The following PTPRG variants were observed in gnomAD, a reference collection of about 807,000 sequenced individuals.
The protein encoded by PTPRG is receptor-type tyrosine-protein phosphatase gamma.
A neutral mutation model predicts 165.3 loss-of-function variants in PTPRG; 102 were observed. The ratio of observed to expected loss-of-function variants is 0.62; its 90% CI spans 0.53 to 0.73. PTPRG has a LOEUF of 0.73. Ranked by LOEUF, PTPRG falls within the 30% of genes least tolerant of loss-of-function variation. The pLI, the probability that PTPRG is intolerant of heterozygous loss-of-function variation, is 0.00. For synonymous variants in PTPRG, 675 were observed against 669.5 expected (o/e 1.01, Z -0.13); for missense variants, 1,866 against 1,861.4 (o/e 1.00, Z -0.05).
intron 1 of PTPRG, among the ~76,000 whole-genome samples, chr3:61,626,410 T>C (rs1701611357): frequency 6.6e-6 from 1 of 152,202 alleles, no homozygotes; most frequent in Non-Finnish European, 1.5e-5. Flanking sequence ...AATTCCATTT[T>C]TTCTTTAACG....
intron 2 of PTPRG, among the ~76,000 whole-genome samples, chr3:61,862,364 G>A (rs1381878679): frequency 6.7e-6 from 1 of 150,146 alleles, no homozygotes; most frequent in Non-Finnish European, 1.5e-5. Flanking sequence ...TATTTCTAAT[G>A]TAGGTATTAC....
intron 1 of PTPRG, among the ~76,000 whole-genome samples, chr3:61,603,224 C>T (rs919049340): frequency 2.0e-5 from 3 of 152,176 alleles, no homozygotes; most frequent in Non-Finnish European, 4.4e-5. Context: ...GGATGTTTGT[C>T]CCTACCCAAC....
At chr3:62,256,939 C>T (rs778403243) in intron 16 of PTPRG, among the ~76,000 whole-genome samples, 4 of 152,128 alleles carry the variant, frequency 2.6e-5, no homozygotes, top group Non-Finnish European at 5.9e-5. Flanking sequence ...AAATATACTG[C>T]AGCTAAAAGC....
At chr3:61,663,647 TA>T (rs1166986455) in intron 1 of PTPRG, among the ~76,000 whole-genome samples, 5 of 152,126 alleles carry the variant, frequency 3.3e-5, no homozygotes, top group Admixed American at 2.6e-4. Context: ...TATAATGAAA[TA>T]ATTATACAGT....
intron 2 of PTPRG, among the ~76,000 whole-genome samples, chr3:61,761,596 A>C (rs2033836957): frequency 6.6e-6 from 1 of 151,792 alleles, no homozygotes; most frequent in African/African-American, 2.4e-5. Flanking sequence ...GAAACAAACA[A>C]ACAAACAAAC....
chr3:61,982,143 A>AT (rs1218345599), intron 2 of PTPRG, among the ~76,000 whole-genome samples: 2 of 152,144 alleles, frequency 1.3e-5, no homozygotes, highest in Non-Finnish European at 2.9e-5. Context: ...AATGTTGACT[A>AT]TTTGGGGGTG....
chr3:61,835,282 C>G (rs2036424888), intron 2 of PTPRG, among the ~76,000 whole-genome samples: 1 of 152,110 alleles, frequency 6.6e-6, no homozygotes, highest in Non-Finnish European at 1.5e-5. Context: ...CTTCCTGACT[C>G]TACTGTTACT....
At chr3:61,867,791 G>A (rs761642418) in intron 2 of PTPRG, among the ~76,000 whole-genome samples, 2 of 152,128 alleles carry the variant, frequency 1.3e-5, no homozygotes, top group East Asian at 1.9e-4. Context: ...CGTCCCTTAC[G>A]GAACTCAAAA....
intron 14 of PTPRG, among the ~76,000 whole-genome samples, chr3:62,236,195 C>A (rs1319235652): frequency 6.6e-6 from 1 of 152,206 alleles, no homozygotes; most frequent in Non-Finnish European, 1.5e-5. Flanking sequence ...CATTGGGCTC[C>A]TTTCCAAGTG....
intron 2 of PTPRG, among the ~76,000 whole-genome samples, chr3:61,835,629 GC>G (rs1031899621): frequency 6.6e-6 from 1 of 151,758 alleles, no homozygotes; most frequent in Non-Finnish European, 1.5e-5. Context: ...ACCACGCCCA[GC>G]CCGTTCCTGC....
chr3:61,583,475 A>C (rs1700354869), intron 1 of PTPRG, among the ~76,000 whole-genome samples: 1 of 152,192 alleles, frequency 6.6e-6, no homozygotes, highest in Admixed American at 6.5e-5. Context: ...TAAGTAAAGC[A>C]CTGGTCCCTA....
At chr3:61,659,704 T>C (rs2365933) in intron 1 of PTPRG, among the ~76,000 whole-genome samples, 118,217 of 152,080 alleles carry the variant, frequency 0.78, 46,666 homozygotes, top group South Asian at 0.9. Flanking sequence ...GATTCTGAAG[T>C]CATGTCTGGG....
intron 5 of PTPRG, among the ~76,000 whole-genome samples, chr3:62,132,171 C>A (rs1021474364): frequency 1.3e-5 from 2 of 152,114 alleles, no homozygotes; most frequent in Non-Finnish European, 1.5e-5. Context: ...GGAGAATAGG[C>A]TGGCAGAAAA....
intron 2 of PTPRG, among the ~76,000 whole-genome samples, chr3:61,974,118 T>C (rs1445154358): frequency 6.6e-6 from 1 of 152,204 alleles, no homozygotes; most frequent in African/African-American, 2.4e-5. Flanking sequence ...TGACTGTCTT[T>C]TTTAGAGTGT....
At chr3:61,583,627 C>T (rs1271872036) in intron 1 of PTPRG, among the ~76,000 whole-genome samples, 2 of 152,168 alleles carry the variant, frequency 1.3e-5, no homozygotes, top group Non-Finnish European at 2.9e-5. Flanking sequence ...TTGATGGGAT[C>T]ATCTGCTGAT....
At chr3:61,852,967 C>T (rs1024970869) in intron 2 of PTPRG, among the ~76,000 whole-genome samples, 2 of 152,206 alleles carry the variant, frequency 1.3e-5, no homozygotes, top group Non-Finnish European at 2.9e-5. Context: ...TACCTGACAT[C>T]CATGTCCCTT....
chr3:62,064,749 T>C (rs1700950761), intron 4 of PTPRG, among the ~76,000 whole-genome samples: 1 of 86,272 alleles, frequency 1.2e-5, no homozygotes, highest in African/African-American at 4.2e-5. Flanking sequence ...TTTTTTTTTT[T>C]GAGGCGGAGT....
chr3:62,171,162 T>C (rs57763095), intron 8 of PTPRG, among the ~76,000 whole-genome samples: 15,724 of 152,248 alleles, frequency 0.1, 1,002 homozygotes, highest in East Asian at 0.35. Flanking sequence ...TATTTATCCA[T>C]TTCAGTATAC....
chr3:61,924,928 A>G (rs2039170108), intron 2 of PTPRG, among the ~76,000 whole-genome samples: 1 of 152,200 alleles, frequency 6.6e-6, no homozygotes, highest in African/African-American at 2.4e-5. Flanking sequence ...GCTCTCATAA[A>G]TGGGATTATT....
Sources: allele counts gnomAD v4.1 joint callset (sites outside exome capture counted in the v4.1 genomes callset), GRCh38; gene constraint gnomAD v4.1.1; transcripts MANE v1.5; gene names NCBI Gene and HGNC (gene_info 2026-07-23, HGNC 2026-07-21).